Variants in SMC1B observed in about 807,000 individuals in gnomAD.
SMC1B encodes structural maintenance of chromosomes 1B, also known as structural maintenance of chromosomes protein 1B.
Under a neutral mutation model 157.9 loss-of-function variants are expected in SMC1B, and 60 were observed. The observed-to-expected ratio is 0.38, with a 90% CI of 0.31 to 0.47. SMC1B has a LOEUF of 0.47. SMC1B is among the 20% of genes least tolerant of loss of function. The pLI is 0.99. For missense variants in SMC1B, 1,165 were observed against 1,426.2 expected, an observed-to-expected ratio of 0.82 and a Z score of 2.95; for synonymous variants, 445 against 483.0, an observed-to-expected ratio of 0.92 and a Z score of 1.03.
At chr22:45,410,754 C>T (rs911902887) in intron 1 of SMC1B, among the ~76,000 whole-genome samples, 4 of 152,096 alleles carry the variant, frequency 2.6e-5, no homozygotes, top group Non-Finnish European at 4.4e-5. Flanking sequence ...AGGAAAGTAA[C>T]ATAAACAAAG....
At chr22:45,395,513 G>A (rs1282420562) in intron 7 of SMC1B, among the ~76,000 whole-genome samples, 4 of 152,140 alleles carry the variant, frequency 2.6e-5, no homozygotes, top group East Asian at 1.9e-4. Context: ...CCAGTAGAGA[G>A]GTACCAATTA....
rs1391695613 is a variant in SMC1B, at chr22:45,353,918, AAAC to A, written c.3273+57_3273+59del. On this transcript the variant is annotated intron_variant, in intron 21 of 24. Coordinates refer to ENST00000357450, the MANE Select transcript of SMC1B (RefSeq NM_148674.5). ...CAAAAAAAAAAAAAAAAAAAAAAAA[AAAC>A]AACCACCACCGGTAACACAGAATTC... 301 of 862,378 alleles carry A rather than the reference AAAC, an allele frequency of 3.5e-4. 19 individuals carry two copies. The highest frequency in any genetic ancestry group is 5.8e-4 in the East Asian group (16 of 27,452). The allele number at this position is 862,378 out of a possible 1,614,324, so 53.4% of individuals were successfully genotyped here. A position where few individuals can be genotyped will look rare whatever the true frequency, so the allele number is the denominator to read the frequency against.
chr22:45,358,180 T>C (rs190562718), intron 19 of SMC1B, among the ~76,000 whole-genome samples: 1 of 152,360 alleles, frequency 6.6e-6, no homozygotes, highest in East Asian at 1.9e-4. Flanking sequence ...CCTAGTCCTA[T>C]GCATTTCATC....
intron 15 of SMC1B, among the ~76,000 whole-genome samples, chr22:45,366,872 G>T (rs1026842640): frequency 4.6e-5 from 7 of 151,930 alleles, no homozygotes; most frequent in Admixed American, 1.3e-4. Context: ...TTTTCCTGTA[G>T]CCTATCTTCA....
At chr22:45,396,173 A>G (rs1258622075) in intron 7 of SMC1B, among the ~76,000 whole-genome samples, 173 bp downstream of exon 7, 1 of 152,220 alleles carries the variant, frequency 6.6e-6, no homozygotes, top group African/African-American at 2.4e-5. Flanking sequence ...TACTCACAGA[A>G]CTATCACAGA....
At chr22:45,348,765 C>G (rs527928582) in intron 23 of SMC1B, among the ~76,000 whole-genome samples, 1 of 149,504 alleles carries the variant, frequency 6.7e-6, no homozygotes, top group African/African-American at 2.5e-5. Flanking sequence ...GTGGCACGGT[C>G]TCGGCTCACT....
chr22:45,356,599 A>G (rs2086671920), intron 19 of SMC1B, among the ~76,000 whole-genome samples: 1 of 152,180 alleles, frequency 6.6e-6, no homozygotes, highest in Non-Finnish European at 1.5e-5. Flanking sequence ...AGAGAAAAGG[A>G]GTAGGCAGGA....
intron 10 of SMC1B, 58 bp from the exon 11 acceptor site, chr22:45,387,104 C>A: frequency 7.2e-7 from 1 of 1,380,928 alleles, no homozygotes; most frequent in African/African-American, 1.5e-5. Context: ...ACCAAATGTT[C>A]ATTATATTCT....
intron 1 of SMC1B, 66 bp downstream of exon 1, chr22:45,413,393 C>T (rs2087377458): frequency 1.5e-6 from 2 of 1,309,038 alleles, no homozygotes; most frequent in Non-Finnish European, 2.1e-6. Context: ...ACCCCACAGG[C>T]CACGTGTGGC....
chr22:45,347,869 C>G (rs1419306361), intron 23 of SMC1B, among the ~76,000 whole-genome samples: 1 of 152,172 alleles, frequency 6.6e-6, no homozygotes, highest in African/African-American at 2.4e-5. Flanking sequence ...GATGGATGGG[C>G]CTGGAATCAG....
chr22:45,360,653 TG>T (rs1343761523), intron 17 of SMC1B, among the ~76,000 whole-genome samples: 1 of 145,770 alleles, frequency 6.9e-6, no homozygotes, highest in East Asian at 2.0e-4. Context: ...AAAAAAAAAA[TG>T]GAAGAATGTG....
At chr22:45,358,619 A>G (rs974121861) in intron 19 of SMC1B, 78 bp downstream of exon 19, 10 of 894,802 alleles carry the variant, frequency 1.1e-5, no homozygotes, top group East Asian at 2.6e-5. Flanking sequence ...ACTTAATTCT[A>G]TCATCCAAAA....
At position 45,352,538 on chromosome 22, in the gene SMC1B, G is replaced by C; in HGVS notation, c.3338C>G (p.Ala1113Gly). ...YLEGISYNCV[A>G]PGKRFMPMDN... The stretch of plus-strand genomic sequence containing the variant: ...CATTGGCATAAACCGTTTGCCTGGG[G>C]CCACACAGTTATAGCTAATTCCCTC... Residue 1113 changes from alanine (A) to glycine (G), a missense_variant, in exon 22 of 25, where the codon GCC becomes GGC. Transcript: ENST00000357450. The C allele has an allele frequency of 1.2e-6, 2 of 1,614,040 alleles. No homozygotes were observed. The highest frequency in any genetic ancestry group is 3.3e-4 in the Middle Eastern group (2 of 6,060).
At chr22:45,353,758 G>A (rs2086637923) in intron 21 of SMC1B, among the ~76,000 whole-genome samples, 1 of 151,786 alleles carries the variant, frequency 6.6e-6, no homozygotes, top group Non-Finnish European at 1.5e-5. Context: ...ACCCAGAGAG[G>A]TTTTGACTTG....
At chr22:45,390,809 T>C (rs1291611994) in intron 9 of SMC1B, among the ~76,000 whole-genome samples, 1 of 152,184 alleles carries the variant, frequency 6.6e-6, no homozygotes, top group African/African-American at 2.4e-5. Context: ...AAAACTTTAC[T>C]AGAAAATGTT....
chr22:45,347,987 C>T (rs527764209), intron 23 of SMC1B, among the ~76,000 whole-genome samples: 12 of 152,274 alleles, frequency 7.9e-5, no homozygotes, highest in African/African-American at 1.4e-4. Flanking sequence ...TGGGCAGTGT[C>T]GGGCACTGCC....
At chr22:45,366,853 T>G (rs1178597244) in intron 15 of SMC1B, among the ~76,000 whole-genome samples, 1 of 152,252 alleles carries the variant, frequency 6.6e-6, no homozygotes, top group Non-Finnish European at 1.5e-5. Context: ...TCTTTTTTTC[T>G]CTTCTGTCTT....
intron 12 of SMC1B, among the ~76,000 whole-genome samples, chr22:45,372,500 CA>C (rs1236138209): frequency 6.6e-6 from 1 of 152,084 alleles, no homozygotes; most frequent in Admixed American, 6.5e-5. Flanking sequence ...AAAAAACTAA[CA>C]GTGCTTAATA....
intron 15 of SMC1B, among the ~76,000 whole-genome samples, chr22:45,368,194 C>A (rs1253662060): frequency 6.6e-6 from 1 of 152,022 alleles, no homozygotes; most frequent in Non-Finnish European, 1.5e-5. Flanking sequence ...AATATTCAAC[C>A]AAGAATAAAT....
Sources: allele counts gnomAD v4.1 joint callset (sites outside exome capture counted in the v4.1 genomes callset), GRCh38; gene constraint gnomAD v4.1.1; transcripts MANE v1.5; gene names NCBI Gene and HGNC (gene_info 2026-07-23, HGNC 2026-07-21).